The following TRPM3 variants were observed in gnomAD, a reference collection of about 807,000 sequenced individuals.
TRPM3 encodes transient receptor potential cation channel subfamily M member 3.
TRPM3 carries 77 observed loss-of-function variants against 181.2 expected under a neutral mutation model. That is an observed-to-expected ratio of 0.42 (90% CI 0.35 to 0.51). The LOEUF is 0.51. Among genes scored for constraint, TRPM3 ranks in the 20% least tolerant of loss-of-function variants. TRPM3 has a pLI of 0.01. For synonymous variants in TRPM3, 745 were observed against 796.4 expected (o/e 0.94, Z 1.09); for missense variants, 1,759 against 2,196.7 (o/e 0.80, Z 3.98).
At chr9:70,924,734 C>T (rs1041708413) in intron 1 of TRPM3, among the ~76,000 whole-genome samples, 7 of 152,126 alleles carry the variant, frequency 4.6e-5, no homozygotes, top group African/African-American at 1.7e-4. Flanking sequence ...AACACTAATA[C>T]GTAAGCCTTA....
chr9:71,356,351 G>A (rs2091896934), intron 1 of TRPM3, among the ~76,000 whole-genome samples: 2 of 152,028 alleles, frequency 1.3e-5, no homozygotes, highest in African/African-American at 2.4e-5. Context: ...GCCCCAGTGT[G>A]TGTTGTTTCC....
rs536252814 is a variant in TRPM3 at position 70,834,128 on chromosome 9, C to G, written c.802-6110G>C. 7.7e-4 allele frequency among the ~76,000 whole-genome samples: 117 copies of G among 152,244 alleles called. 1 individual carries two copies. In the Middle Eastern group the frequency reaches 0.014, roughly 18 times the overall value. ...CAGGGTCCTGTTGAAACCCAGATGC[C>G]GCCTTTCAGCTCGGCAATTCAAACA... On this transcript the variant is annotated intron_variant, in intron 5 of 25. Coordinates refer to ENST00000677713, the MANE Select transcript of TRPM3 (RefSeq NM_001366145.2).
chr9:70,855,363 T>C (rs1243932369), intron 3 of TRPM3, among the ~76,000 whole-genome samples: 2 of 152,350 alleles, frequency 1.3e-5, no homozygotes, highest in African/African-American at 4.8e-5. Context: ...GGCAGAGCAA[T>C]CTGCCTTTGA....
chr9:71,091,031 C>T (rs185146888), intron 1 of TRPM3, among the ~76,000 whole-genome samples: 1 of 152,138 alleles, frequency 6.6e-6, no homozygotes, highest in Admixed American at 6.6e-5. Flanking sequence ...AATTTACTGC[C>T]TTTTTTTCTG....
At chr9:70,685,445 G>A (rs1288448078) in intron 8 of TRPM3, among the ~76,000 whole-genome samples, 1 of 152,018 alleles carries the variant, frequency 6.6e-6, no homozygotes, top group African/African-American at 2.4e-5. Context: ...TCACTCTGTT[G>A]CCCAGGCTGG....
intron 1 of TRPM3, among the ~76,000 whole-genome samples, chr9:70,879,706 A>C (rs2095947307): frequency 6.6e-6 from 1 of 152,186 alleles, no homozygotes; most frequent in South Asian, 2.1e-4. Context: ...TTAGCTGTAG[A>C]TGGAACATTC....
intron 1 of TRPM3, among the ~76,000 whole-genome samples, chr9:71,394,946 A>C (rs1470925731): frequency 6.6e-6 from 1 of 152,206 alleles, no homozygotes; most frequent in Non-Finnish European, 1.5e-5. Context: ...CAAGGCAAGT[A>C]CAACATCCAA....
chr9:71,414,399 A>T (rs2131479652), intron 1 of TRPM3, among the ~76,000 whole-genome samples: 1 of 152,224 alleles, frequency 6.6e-6, no homozygotes, highest in South Asian at 2.1e-4. Context: ...TTATTCATTG[A>T]TTACCTTTTT....
At chr9:71,402,056 G>A (rs1047944297) in intron 1 of TRPM3, among the ~76,000 whole-genome samples, 5 of 152,138 alleles carry the variant, frequency 3.3e-5, no homozygotes, top group African/African-American at 7.2e-5. Context: ...TTCAGCCAGC[G>A]AGGTTGAAAT....
At chr9:70,890,276 G>A (rs1430842632) in intron 1 of TRPM3, among the ~76,000 whole-genome samples, 3 of 151,732 alleles carry the variant, frequency 2.0e-5, no homozygotes, top group Admixed American at 1.3e-4. Flanking sequence ...ATAAAGGTGA[G>A]GAAGCAAACG....
chr9:71,410,126 C>T (rs148993927), intron 1 of TRPM3, among the ~76,000 whole-genome samples: 5,117 of 152,068 alleles, frequency 0.034, 169 homozygotes, highest in African/African-American at 0.091. Flanking sequence ...GAGGGAAATT[C>T]ATAGCACTAA....
At chr9:70,685,888 T>C (rs1000292326) in intron 8 of TRPM3, among the ~76,000 whole-genome samples, 1 of 83,358 alleles carries the variant, frequency 1.2e-5, no homozygotes, top group Non-Finnish European at 2.4e-5. Flanking sequence ...ATTTTTTATA[T>C]GCACTGTCAT....
At chr9:70,538,555 A>G (rs1395219476) in intron 25 of TRPM3, among the ~76,000 whole-genome samples, 2 of 152,054 alleles carry the variant, frequency 1.3e-5, no homozygotes. Context: ...CAGCCTCTCT[A>G]GTAGCTGGGA....
chr9:70,543,243 T>C (rs989569634), intron 25 of TRPM3, among the ~76,000 whole-genome samples: 4 of 152,144 alleles, frequency 2.6e-5, no homozygotes, highest in African/African-American at 9.7e-5. Context: ...TATATATTTA[T>C]GGAGTACATG....
chr9:70,637,037 C>A (rs537256530), intron 11 of TRPM3, among the ~76,000 whole-genome samples: 2 of 152,068 alleles, frequency 1.3e-5, no homozygotes, highest in Admixed American at 1.3e-4. Flanking sequence ...CTATGAAATG[C>A]GGCAACGACC....
chr9:71,035,739 T>C (rs1267064998), intron 1 of TRPM3, among the ~76,000 whole-genome samples: 2 of 151,888 alleles, frequency 1.3e-5, no homozygotes, highest in Non-Finnish European at 2.9e-5. Context: ...ATAAATAAAA[T>C]AAAAAATAAA....
At chr9:70,550,864 A>G (rs1382500793) in intron 24 of TRPM3, among the ~76,000 whole-genome samples, 1 of 152,216 alleles carries the variant, frequency 6.6e-6, no homozygotes, top group Non-Finnish European at 1.5e-5. Context: ...CAAATATGGG[A>G]GGCTTCCTGA....
intron 1 of TRPM3, among the ~76,000 whole-genome samples, chr9:71,259,464 C>G (rs1200961257): frequency 6.6e-6 from 1 of 152,142 alleles, no homozygotes; most frequent in Non-Finnish European, 1.5e-5. Context: ...GAGGAATTGC[C>G]ACACTGTCTC....
chr9:71,019,089 A>G (rs2097817408), intron 1 of TRPM3, among the ~76,000 whole-genome samples: 2 of 151,990 alleles, frequency 1.3e-5, no homozygotes, highest in Non-Finnish European at 2.9e-5. Flanking sequence ...AGAATAAGAG[A>G]AAATTTCTTT....
Sources: gnomAD v4.1 joint callset for allele counts (sites outside exome capture counted in the v4.1 genomes callset) on GRCh38, gnomAD v4.1.1 for gene constraint, MANE v1.5 for transcripts, NCBI Gene and HGNC (gene_info 2026-07-23, HGNC 2026-07-21) for gene names.